Variants in ZNF678 observed in about 807,000 individuals in gnomAD.
The protein encoded by ZNF678 is zinc finger protein 678, also known as hypothetical protein MGC42493.
A neutral mutation model predicts 3.0 loss-of-function variants in ZNF678; 5 were observed. The ratio of observed to expected loss-of-function variants is 1.69; its 90% CI spans 0.88 to 3.56. The LOEUF is 3.56. ZNF678 is among the 30% of genes most tolerant of loss of function. The pLI is 0.00. For missense variants in ZNF678, 593 were observed against 605.0 expected, an observed-to-expected ratio of 0.98 and a Z score of 0.21; for synonymous variants, 218 against 199.6, an observed-to-expected ratio of 1.09 and a Z score of -0.78.
chr1:227,565,265 C>A (rs1029419338), intron 1 of ZNF678, among the ~76,000 whole-genome samples: 5 of 151,888 alleles, frequency 3.3e-5, no homozygotes, highest in Admixed American at 6.6e-5. Flanking sequence ...GGGGTTTCAC[C>A]ATGTTGGCCA....
chr1:227,636,889 G>A (rs1257425066), intron 1 of ZNF678, among the ~76,000 whole-genome samples: 3 of 152,272 alleles, frequency 2.0e-5, no homozygotes, highest in East Asian at 1.9e-4. Flanking sequence ...CTTTCCAGAC[G>A]GATGAGTGTG....
At chr1:227,621,454 G>A (rs556174501) in intron 1 of ZNF678, among the ~76,000 whole-genome samples, 34 of 152,248 alleles carry the variant, frequency 2.2e-4, no homozygotes, top group African/African-American at 7.9e-4. Flanking sequence ...CGTCTTACAA[G>A]GAAGTTCATA....
chr1:227,584,814 A>G (rs987454292), intron 1 of ZNF678, among the ~76,000 whole-genome samples: 3 of 152,232 alleles, frequency 2.0e-5, no homozygotes, highest in Non-Finnish European at 4.4e-5. Context: ...TGCTGGGGAC[A>G]GCCAGGGTGA....
intron 1 of ZNF678, among the ~76,000 whole-genome samples, chr1:227,603,551 G>A (rs1320533754): frequency 6.6e-6 from 1 of 152,146 alleles, no homozygotes; most frequent in African/African-American, 2.4e-5. Context: ...TCCAGGTGCT[G>A]TAGTCCTGCT....
intron 1 of ZNF678, among the ~76,000 whole-genome samples, chr1:227,580,688 G>A (rs1364452379): frequency 6.6e-6 from 1 of 152,130 alleles, no homozygotes; most frequent in Admixed American, 6.6e-5. Flanking sequence ...TCAGCACTTT[G>A]GGAGGCCAAG....
intron 1 of ZNF678, among the ~76,000 whole-genome samples, chr1:227,581,475 C>T (rs1245448083): frequency 6.6e-6 from 1 of 152,100 alleles, no homozygotes; most frequent in Non-Finnish European, 1.5e-5. Flanking sequence ...AAACATTACC[C>T]TGATTTCTAA....
chr1:227,672,836 C>T (rs747662591), intron 5 of ZNF678, among the ~76,000 whole-genome samples: 18 of 152,282 alleles, frequency 1.2e-4, no homozygotes, highest in South Asian at 8.3e-4. Context: ...GGACAAAAAC[C>T]CCTGCCCAAA....
At chr1:227,594,226 C>A (rs1042779599) in intron 1 of ZNF678, among the ~76,000 whole-genome samples, 1 of 152,150 alleles carries the variant, frequency 6.6e-6, no homozygotes, top group African/African-American at 2.4e-5. Flanking sequence ...TACCATTTTA[C>A]ATTTAACAAT....
chr1:227,580,991 G>A (rs1469997642), intron 1 of ZNF678, among the ~76,000 whole-genome samples: 1 of 151,892 alleles, frequency 6.6e-6, no homozygotes, highest in Non-Finnish European at 1.5e-5. Flanking sequence ...TACATTTAGA[G>A]TATGGACTTC....
Position 227,638,419 on chromosome 1 carries a change from G to A in ZNF678, c.-163-8125G>A, listed in dbSNP as rs1015677529. Among the ~76,000 whole-genome samples, 1 of 152,152 alleles carries A rather than the reference G, an allele frequency of 6.6e-6. No homozygotes were observed. Among genetic ancestry groups the A allele is most frequent in the Non-Finnish European group, 1.5e-5 (1 of 68,032 alleles). ...GGGGATTTTGTTGGGCAGAGTAGGT[G>A]ACTAGCAAGGAGGTGAGAAACGATA... On this transcript the variant is annotated intron_variant, in intron 1 of 3. Coordinates refer to ENST00000343776, the MANE Select transcript of ZNF678 (RefSeq NM_001367909.1). This position sits in a 1 kb window ranked among gnomAD's most constrained non-coding sequence, Gnocchi z 4.2.
At chr1:227,626,005 C>A (rs1479525743) in intron 1 of ZNF678, among the ~76,000 whole-genome samples, 2 of 152,116 alleles carry the variant, frequency 1.3e-5, no homozygotes, top group Admixed American at 6.5e-5. Flanking sequence ...AGAAAAACTC[C>A]TATACGATGG....
At chr1:227,566,511 A>T (rs900743400) in intron 1 of ZNF678, among the ~76,000 whole-genome samples, 1 of 152,126 alleles carries the variant, frequency 6.6e-6, no homozygotes, top group African/African-American at 2.4e-5. Flanking sequence ...CTCCAGACAG[A>T]ATGGTCAGTG....
intron 1 of ZNF678, among the ~76,000 whole-genome samples, chr1:227,570,266 A>G (rs1404362212): frequency 6.6e-6 from 1 of 152,184 alleles, no homozygotes; most frequent in Non-Finnish European, 1.5e-5. Flanking sequence ...TGTGTGGGTC[A>G]CTAGTATGAT....
At chr1:227,593,863 C>A (rs371597312) in intron 1 of ZNF678, among the ~76,000 whole-genome samples, 3 of 76,738 alleles carry the variant, frequency 3.9e-5, no homozygotes, top group African/African-American at 5.7e-5. Flanking sequence ...CATCCCCCCC[C>A]CCCCTTTTTT....
intron 5 of ZNF678, among the ~76,000 whole-genome samples, chr1:227,668,770 TC>T (rs1659550661): frequency 6.6e-6 from 1 of 152,218 alleles, no homozygotes; most frequent in Non-Finnish European, 1.5e-5. Flanking sequence ...TTTGTATTCT[TC>T]TGCATATTGC....
chr1:227,576,879 A>G (rs191480289), intron 1 of ZNF678, among the ~76,000 whole-genome samples: 1 of 152,152 alleles, frequency 6.6e-6, no homozygotes, highest in East Asian at 1.9e-4. Context: ...TAGTGTTATA[A>G]TTTTCCATCT....
intron 1 of ZNF678, among the ~76,000 whole-genome samples, chr1:227,613,475 C>T (rs1023759101): frequency 1.1e-4 from 16 of 152,212 alleles, no homozygotes; most frequent in African/African-American, 3.6e-4. Flanking sequence ...TGCCACCAGC[C>T]ACTGTGCATT....
intron 1 of ZNF678, among the ~76,000 whole-genome samples, chr1:227,579,913 A>C (rs1657082837): frequency 6.6e-6 from 1 of 152,158 alleles, no homozygotes; most frequent in Non-Finnish European, 1.5e-5. Flanking sequence ...ACTTCACTAC[A>C]GATGCTTCTT....
intron 1 of ZNF678, among the ~76,000 whole-genome samples, chr1:227,593,333 GTTTGT>G (rs1571871980): frequency 1.3e-5 from 2 of 152,216 alleles, no homozygotes; most frequent in African/African-American, 2.4e-5. Flanking sequence ...TATTGCTAAA[GTTTGT>G]TTTAAGTCTT....
Sources: allele counts gnomAD v4.1 joint callset (sites outside exome capture counted in the v4.1 genomes callset), GRCh38; gene constraint gnomAD v4.1.1; non-coding constraint Gnocchi (gnomAD v3.1); transcripts MANE v1.5; gene names NCBI Gene and HGNC (gene_info 2026-07-23, HGNC 2026-07-21).